CAMK1D: variants seen among roughly 807,000 people sequenced by gnomAD.
CAMK1D encodes calcium/calmodulin-dependent protein kinase type 1D.
CAMK1D carries 9 observed loss-of-function variants against 47.7 expected under a neutral mutation model. The observed-to-expected ratio is 0.19, with a 90% CI of 0.11 to 0.33. CAMK1D has a LOEUF of 0.33. CAMK1D is among the 10% of genes least tolerant of loss of function. The pLI is 1.00. For synonymous variants in CAMK1D, 184 were observed against 184.9 expected, an observed-to-expected ratio of 0.99 and a Z score of 0.04; for missense variants, 291 against 488.7, an observed-to-expected ratio of 0.60 and a Z score of 3.81.
rs1293787704 is a variant in CAMK1D at position 12,415,072 on chromosome 10, T to C, written c.92+65162T>C. Among the ~76,000 whole-genome samples, 4 of 152,296 alleles carry C rather than the reference T, an allele frequency of 2.6e-5. No homozygotes were observed. The South Asian group carries it at 6.2e-4, about 24-fold the overall frequency. On this transcript the variant is annotated intron_variant, in intron 1 of 10. Transcript: ENST00000619168. ...ATGTTTATAGATTTTCCTCTTGTTTTCATGTGTCTGATTATTATAGTCAGG... is the reference window on the plus strand; with the variant it reads ...ATGTTTATAGATTTTCCTCTTGTTTCCATGTGTCTGATTATTATAGTCAGG...
At chr10:12,680,000 C>T (rs1840939137) in intron 3 of CAMK1D, among the ~76,000 whole-genome samples, 1 of 152,204 alleles carries the variant, frequency 6.6e-6, no homozygotes, top group Admixed American at 6.5e-5. Context: ...ATCCCAGAAG[C>T]CCCAGCCACA....
chr10:12,704,340 T>C (rs1833648337), intron 3 of CAMK1D, among the ~76,000 whole-genome samples: 1 of 152,186 alleles, frequency 6.6e-6, no homozygotes, highest in Admixed American at 6.5e-5. Context: ...TACGACTTCA[T>C]TGTAACCATG....
chr10:12,354,056 A>G (rs899190907), intron 1 of CAMK1D, among the ~76,000 whole-genome samples: 7 of 152,174 alleles, frequency 4.6e-5, no homozygotes, highest in African/African-American at 1.4e-4. Context: ...TGTGAAATGT[A>G]TGTGAATGGA....
At chr10:12,557,405 G>A (rs1253346371) in intron 2 of CAMK1D, among the ~76,000 whole-genome samples, 2 of 151,792 alleles carry the variant, frequency 1.3e-5, no homozygotes, top group African/African-American at 2.4e-5. Context: ...CAAAAAAATT[G>A]GCCGGGTATG....
intron 1 of CAMK1D, among the ~76,000 whole-genome samples, chr10:12,544,821 GTACTAGTGTTAAGTGGATA>G (rs1836309528): frequency 4.0e-5 from 5 of 125,388 alleles, no homozygotes; most frequent in Admixed American, 7.6e-5. Flanking sequence ...TGAGTGGATA[GTACTAGTGTTAAGTGGATA>G]GTACTAGTGT....
intron 2 of CAMK1D, among the ~76,000 whole-genome samples, chr10:12,565,537 AG>A (rs1403771317): frequency 6.6e-6 from 1 of 152,222 alleles, no homozygotes; most frequent in Non-Finnish European, 1.5e-5. Flanking sequence ...TACAGGCGTG[AG>A]CTGCCGCGCC....
At chr10:12,590,602 T>G (rs1837968246) in intron 2 of CAMK1D, among the ~76,000 whole-genome samples, 1 of 152,210 alleles carries the variant, frequency 6.6e-6, no homozygotes, top group East Asian at 1.9e-4. Flanking sequence ...CCATAATTAT[T>G]GTTGAATGAA....
intron 4 of CAMK1D, among the ~76,000 whole-genome samples, chr10:12,762,536 A>C (rs184609919): frequency 1.6e-4 from 24 of 152,210 alleles, no homozygotes; most frequent in African/African-American, 5.3e-4. Flanking sequence ...AGGGCTATGA[A>C]AATAGAGACT....
At chr10:12,787,537 C>T (rs1216068888) in intron 5 of CAMK1D, among the ~76,000 whole-genome samples, 1 of 152,176 alleles carries the variant, frequency 6.6e-6, no homozygotes, top group African/African-American at 2.4e-5. Flanking sequence ...TGGCTGTGGC[C>T]TTGTATTCCT....
intron 3 of CAMK1D, among the ~76,000 whole-genome samples, chr10:12,717,191 A>G (rs1447478647): frequency 1.3e-5 from 2 of 152,176 alleles, no homozygotes; most frequent in Non-Finnish European, 2.9e-5. Flanking sequence ...GATTTTCAAC[A>G]TTTACTCCAA....
chr10:12,679,443 A>C (rs539939737), intron 3 of CAMK1D, among the ~76,000 whole-genome samples: 1 of 152,220 alleles, frequency 6.6e-6, no homozygotes, highest in South Asian at 2.1e-4. Context: ...ATCACCATGG[A>C]CTTCATTGCT....
At position 12,588,851 on chromosome 10, in the gene CAMK1D, CAT is replaced by C. The variant is rs1232275101; in HGVS notation, c.224+35496_224+35497del. Reference sequence around the variant, plus strand: ...ACATATATATGTGCTTGTATATATACATGTATATGTATATATGTGTGTGTGTG... The same window carrying C: ...ACATATATATGTGCTTGTATATATACGTATATGTATATATGTGTGTGTGTG... On this transcript the variant is annotated intron_variant, in intron 2 of 10. Transcript: ENST00000619168. Among the ~76,000 whole-genome samples, 202 of 138,196 alleles carry C rather than the reference CAT, an allele frequency of 1.5e-3. 2 individuals carry two copies. The highest frequency in any genetic ancestry group is 5.2e-3 in the African/African-American group (189 of 36,192). 90.7% of individuals were successfully genotyped at this position (138,196 alleles called of 152,430 possible). A position where few individuals can be genotyped will look rare whatever the true frequency, so the allele number is the denominator to read the frequency against.
In CAMK1D at chr10:12,745,997, A is replaced by T. The variant is rs142483572; in HGVS notation, c.300-14951A>T. ...CCAGGGCCCCTTTGGTACTTAGACA[A>T]CATCTTAGGCTTCTAGTCGGTTTTG... On this transcript the variant is annotated intron_variant, in intron 3 of 10. Transcript: ENST00000619168. Among the ~76,000 whole-genome samples, 865 of 152,328 alleles carry T rather than the reference A, an allele frequency of 5.7e-3. 15 individuals are homozygous for T. The highest frequency in any genetic ancestry group is 0.037 in the Middle Eastern group (11 of 294).
intron 1 of CAMK1D, among the ~76,000 whole-genome samples, chr10:12,443,028 T>G (rs1832826752): frequency 6.6e-6 from 1 of 152,190 alleles, no homozygotes; most frequent in Non-Finnish European, 1.5e-5. Flanking sequence ...ACGTTTCCCA[T>G]CAATTTTGAG....
chr10:12,757,852 CTTTTTT>C (rs869125453), intron 3 of CAMK1D, among the ~76,000 whole-genome samples: 1 of 91,458 alleles, frequency 1.1e-5, no homozygotes. Flanking sequence ...GGGCCCTGCT[CTTTTTT>C]TTTTTTTTTT....
chr10:12,666,242 T>A (rs1588756765), intron 2 of CAMK1D, among the ~76,000 whole-genome samples: 1 of 151,916 alleles, frequency 6.6e-6, no homozygotes, highest in African/African-American at 2.4e-5. Context: ...ACTGGACCCA[T>A]GGACATGCCA....
intron 3 of CAMK1D, among the ~76,000 whole-genome samples, chr10:12,723,514 AT>A (rs1564517575): frequency 1.3e-5 from 2 of 152,214 alleles, no homozygotes; most frequent in Non-Finnish European, 2.9e-5. Flanking sequence ...TATTGATTAC[AT>A]TAAGGCATAC....
intron 1 of CAMK1D, among the ~76,000 whole-genome samples, chr10:12,506,206 G>A (rs1034975554): frequency 2.0e-5 from 3 of 152,122 alleles, no homozygotes; most frequent in African/African-American, 7.2e-5. Flanking sequence ...ATCACTTGAG[G>A]CCAGGAGTTC....
intron 2 of CAMK1D, among the ~76,000 whole-genome samples, chr10:12,578,585 A>AAAAAAAAAG (rs1456866150): frequency 6.7e-6 from 1 of 149,434 alleles, no homozygotes; most frequent in East Asian, 2.0e-4. Context: ...AAAAAAAAAA[A>AAAAAAAAAG]GTTTTGTAGA....
Sources: gnomAD v4.1 joint callset for allele counts (sites outside exome capture counted in the v4.1 genomes callset) on GRCh38, gnomAD v4.1.1 for gene constraint, MANE v1.5 for transcripts, NCBI Gene and HGNC (gene_info 2026-07-23, HGNC 2026-07-21) for gene names.